Variants in CLIP1 observed in about 807,000 individuals in gnomAD.
CLIP1 encodes CAP-Gly domain-containing linker protein 1.
A neutral mutation model predicts 161.6 loss-of-function variants in CLIP1; 66 were observed. That is an observed-to-expected ratio of 0.41 (90% confidence interval 0.33 to 0.50). The LOEUF is 0.50. Among genes scored for constraint, CLIP1 ranks in the 20% least tolerant of loss-of-function variants. The probability of loss-of-function intolerance (pLI) is 0.27; values close to 1 mark genes in which losing one functional copy is unlikely to be tolerated. For synonymous variants in CLIP1, 598 were observed against 626.2 expected, an observed-to-expected ratio of 0.96 and a Z score of 0.67; for missense variants, 1,376 against 1,702.0, an observed-to-expected ratio of 0.81 and a Z score of 3.37.
At chr12:122,392,616 A>G (rs1400271000) in intron 1 of CLIP1, among the ~76,000 whole-genome samples, 1 of 152,068 alleles carries the variant, frequency 6.6e-6, no homozygotes, top group Non-Finnish European at 1.5e-5. Context: ...CCACCATGGC[A>G]AGCCGGCTCG....
intron 3 of CLIP1, among the ~76,000 whole-genome samples, chr12:122,371,329 G>GA (rs1434987317): frequency 6.6e-5 from 10 of 152,126 alleles, no homozygotes; most frequent in Non-Finnish European, 1.3e-4. Flanking sequence ...CAAGCCCCAA[G>GA]AGCCTATACA....
intron 20 of CLIP1, among the ~76,000 whole-genome samples, chr12:122,304,645 G>T (rs1244541117): frequency 6.6e-6 from 1 of 152,244 alleles, no homozygotes; most frequent in Admixed American, 6.5e-5. Flanking sequence ...ACAGGCGTGA[G>T]CCTCCACGTC....
Position 122,380,513 on chromosome 12 carries a change from T to A in CLIP1, c.-61A>T. On this transcript the variant is annotated 5_prime_UTR_variant, in exon 2 of 26. Coordinates refer to ENST00000620786, the MANE Select transcript of CLIP1 (RefSeq NM_001247997.2). ...GTTGCCACTATCTTTCCCCAACCAT[T>A]GATACAACTGTGGGTTCTATAGTGA... 9.7e-7 allele frequency: 1 copy of A among 1,031,978 alleles called. No individual in the cohort carries two copies. The highest frequency in any genetic ancestry group is 1.5e-6 in the Non-Finnish European group (1 of 666,718). The allele number at this position is 1,031,978 out of a possible 1,614,324, so 63.9% of individuals were successfully genotyped here.
At chr12:122,366,311 A>AG (rs1179462552) in intron 3 of CLIP1, among the ~76,000 whole-genome samples, 1 of 151,134 alleles carries the variant, frequency 6.6e-6, no homozygotes, top group Non-Finnish European at 1.5e-5. Flanking sequence ...TGTCTCAAAA[A>AG]AAAAAAAAAG....
Position 122,278,216 on chromosome 12 carries a change from G to T in CLIP1, c.3917-13C>A. The stretch of plus-strand genomic sequence containing the variant: ...GTGTCTGTATTACCTTATATTTGAG[G>T]AAAAAAAAAAAAAAACAAGTGGAGG... On this transcript the variant is annotated splice_polypyrimidine_tract_variant and intron_variant, in intron 23 of 25. Transcript: ENST00000620786. 9.5e-6 allele frequency: 13 copies of T among 1,362,362 alleles called. No individual in the cohort carries two copies. Among genetic ancestry groups the T allele is most frequent in the Non-Finnish European group, 1.3e-5 (13 of 1,004,746 alleles). 84.4% of individuals were successfully genotyped at this position (1,362,362 alleles called of 1,614,324 possible). A position where few individuals can be genotyped will look rare whatever the true frequency, so the allele number is the denominator to read the frequency against.
chr12:122,339,160 C>T (rs559847588), intron 11 of CLIP1, among the ~76,000 whole-genome samples: 2 of 152,098 alleles, frequency 1.3e-5, no homozygotes, highest in East Asian at 1.9e-4. Flanking sequence ...GAATGTTTCA[C>T]GTAATTTCCT....
At chr12:122,295,189 A>G (rs78752774) in intron 20 of CLIP1, among the ~76,000 whole-genome samples, 15,584 of 152,040 alleles carry the variant, frequency 0.1, 2,603 homozygotes, top group African/African-American at 0.35. Context: ...GGCCAACACG[A>G]TAAAACCCCA....
At chr12:122,378,058 GC>G in intron 2 of CLIP1, 98 bp from the exon 3 acceptor site, 1 of 1,029,546 alleles carries the variant, frequency 9.7e-7, no homozygotes, top group Non-Finnish European at 1.4e-6. Context: ...CACAGGAGTA[GC>G]CCAGAACTCT....
intron 20 of CLIP1, among the ~76,000 whole-genome samples, chr12:122,296,787 C>T (rs544198448): frequency 1.4e-4 from 20 of 145,632 alleles, no homozygotes; most frequent in African/African-American, 3.9e-4. Context: ...TTCCTTGAGC[C>T]TTATAGCTGG....
chr12:122,275,662 A>G (rs1272943062), intron 24 of CLIP1: 1 of 151,968 alleles, frequency 6.6e-6, no homozygotes, highest in African/African-American at 2.4e-5. Context: ...ACACACACAC[A>G]CACACACACA....
chr12:122,304,641 G>A (rs535641624), intron 20 of CLIP1, among the ~76,000 whole-genome samples: 9 of 152,348 alleles, frequency 5.9e-5, no homozygotes, highest in South Asian at 2.1e-4. Context: ...GATTACAGGC[G>A]TGAGCCTCCA....
intron 25 of CLIP1, among the ~76,000 whole-genome samples, chr12:122,273,743 T>G (rs1180869735): frequency 6.6e-6 from 1 of 152,110 alleles, no homozygotes; most frequent in African/African-American, 2.4e-5. Context: ...TCAGTATGGT[T>G]TTTTTTGAGA....
chr12:122,296,727 G>A lies in CLIP1; in HGVS notation c.3595-8186C>T, dbSNP rs567487841. Reference sequence around the variant, plus strand: ...AAACACTCAGGGTAGAGCTGAGTGCGGTGGCTCATGCCTGTGGTCCCAGCT... The same window carrying A: ...AAACACTCAGGGTAGAGCTGAGTGCAGTGGCTCATGCCTGTGGTCCCAGCT... On this transcript the variant is annotated intron_variant, in intron 20 of 25. Transcript: ENST00000620786. Among the ~76,000 whole-genome samples the A allele has an allele frequency of 6.6e-5, 10 of 152,032 alleles. 1 individual carries two copies. The highest frequency in any genetic ancestry group is 3.4e-3 in the Middle Eastern group (1 of 294).
intron 20 of CLIP1, among the ~76,000 whole-genome samples, chr12:122,292,865 C>T (rs922485605): frequency 2.2e-4 from 34 of 151,342 alleles, no homozygotes; most frequent in Non-Finnish European, 3.7e-4. Flanking sequence ...TAGCCGGGCG[C>T]GGTGGTGGGC....
chr12:122,375,738 G>C (rs1954692902), intron 3 of CLIP1, among the ~76,000 whole-genome samples: 1 of 150,390 alleles, frequency 6.6e-6, no homozygotes, highest in Non-Finnish European at 1.5e-5. Context: ...AATCAGAAGG[G>C]GAAAAAAAAT....
Position 122,355,047 on chromosome 12 carries a change from G to A in CLIP1, c.1203+68C>T. 2.1e-6 allele frequency: 3 copies of A among 1,400,384 alleles called. No homozygotes were observed. The highest frequency in any genetic ancestry group is 3.0e-6 in the Non-Finnish European group (3 of 1,000,446). The allele number at this position is 1,400,384 out of a possible 1,614,324, so 86.7% of individuals were successfully genotyped here. A position where few individuals can be genotyped will look rare whatever the true frequency, so the allele number is the denominator to read the frequency against. ...CTAGCTCCTCGGTGCCAAGCACCGG[G>A]CATGCTTCTCGGCTCCTCAGTGGCT... On this transcript the variant is annotated intron_variant, in intron 6 of 25. Transcript: ENST00000620786. The surrounding 1 kb of genome is among the most constrained non-coding windows in gnomAD (Gnocchi z 4.1).
At chr12:122,343,662 C>T (rs952756518) in intron 10 of CLIP1, 1 of 152,136 alleles carries the variant, frequency 6.6e-6, no homozygotes, top group Non-Finnish European at 1.5e-5. Context: ...CCATGTACTT[C>T]GATTCTATTT....
At position 122,338,834 on chromosome 12, in the gene CLIP1, T is replaced by G. The variant is rs146329857; in HGVS notation, c.2451+1919A>C. ...CATTAGCTAAATATTATCTTCTAATTAATTTTTGTGTTTTGATTAGTATTT... is the reference window on the plus strand; with the variant it reads ...CATTAGCTAAATATTATCTTCTAATGAATTTTTGTGTTTTGATTAGTATTT... On this transcript the variant is annotated intron_variant, in intron 11 of 25. Coordinates refer to ENST00000620786, the MANE Select transcript of CLIP1 (RefSeq NM_001247997.2). Among the ~76,000 whole-genome samples, 188 of 152,376 alleles carry G rather than the reference T, an allele frequency of 1.2e-3. 3 individuals are homozygous for G. Among genetic ancestry groups the G allele is most frequent in the Non-Finnish European group, 2.0e-3 (139 of 68,044 alleles).
chr12:122,356,411 T>C (rs983213006), intron 5 of CLIP1, among the ~76,000 whole-genome samples: 4 of 152,226 alleles, frequency 2.6e-5, no homozygotes, highest in African/African-American at 9.6e-5. Flanking sequence ...TAACATCATG[T>C]ACTTTCAAAG....
Sources: allele counts gnomAD v4.1 joint callset (sites outside exome capture counted in the v4.1 genomes callset), GRCh38; gene constraint gnomAD v4.1.1; non-coding constraint Gnocchi (gnomAD v3.1); transcripts MANE v1.5; gene names NCBI Gene and HGNC (gene_info 2026-07-23, HGNC 2026-07-21).